Variants in WDR27 observed in about 807,000 individuals in gnomAD.
WDR27 encodes the protein WD repeat-containing protein 27.
In WDR27, 100 loss-of-function variants were observed where a neutral mutation model predicts 114.4. The ratio of observed to expected loss-of-function variants is 0.87; its 90% CI spans 0.74 to 1.03. The LOEUF (loss-of-function observed/expected upper bound fraction) is 1.03. Ranked by LOEUF, WDR27 falls within the 50% of genes least tolerant of loss-of-function variation. The pLI is 0.00. For synonymous variants in WDR27, 449 were observed against 423.1 expected (o/e 1.06, Z -0.75); for missense variants, 1,129 against 1,092.9 (o/e 1.03, Z -0.47).
chr6:169,629,780 A>G (rs1405080557), intron 21 of WDR27, among the ~76,000 whole-genome samples: 1 of 152,014 alleles, frequency 6.6e-6, no homozygotes, highest in Non-Finnish European at 1.5e-5. Flanking sequence ...CACAAAAATT[A>G]GCCAGGCGTG....
intron 25 of WDR27, among the ~76,000 whole-genome samples, chr6:169,468,524 T>C (rs77386522): frequency 0.031 from 4,662 of 152,244 alleles, 215 homozygotes; most frequent in African/African-American, 0.1. Flanking sequence ...ATCATGAGAA[T>C]AGCATGGAGG....
At chr6:169,677,006 T>C (rs1331589493) in intron 2 of WDR27, among the ~76,000 whole-genome samples, 1 of 152,126 alleles carries the variant, frequency 6.6e-6, no homozygotes, top group African/African-American at 2.4e-5. Context: ...TTCATTGACA[T>C]AGCAATTCAT....
At chr6:169,430,735 C>A in the WDR27 span, among the ~76,000 whole-genome samples, 4 of 152,194 alleles carry the variant, frequency 2.6e-5, no homozygotes, top group Admixed American at 1.3e-4. Context: ...TTATAAAGAA[C>A]CTTGTAAGCT....
intron 18 of WDR27, among the ~76,000 whole-genome samples, chr6:169,637,954 A>G (rs1818082549): frequency 6.6e-6 from 1 of 152,236 alleles, no homozygotes. Context: ...AAGTGTGCGT[A>G]TGTGTATGCA....
Position 169,633,013 on chromosome 6 carries a change from G to A in WDR27, c.2157C>T (p.Ala719=), listed in dbSNP as rs558902668. 452 of 1,598,312 alleles carry A rather than the reference G, an allele frequency of 2.8e-4. No individual in the cohort carries two copies. Among genetic ancestry groups the A allele is most frequent in the Non-Finnish European group, 3.6e-4 (425 of 1,167,390 alleles). ...CCGCTATCACCGCTGCACTGCAGCC[G>A]GCGTTGAGGTCAAACACTTCCACGG... ...NRTVEVFDLN[A]GCSAAVIAEA... The change falls in exon 21 of 26, where the codon GCC becomes GCT. Residue 719 remains alanine, a synonymous_variant. Transcript: ENST00000448612.
intron 25 of WDR27, among the ~76,000 whole-genome samples, chr6:169,488,407 C>T (rs147527958): frequency 1.2e-3 from 177 of 152,306 alleles, no homozygotes; most frequent in African/African-American, 3.5e-3. Flanking sequence ...AATGAGAAGA[C>T]TTTCAAATGT....
intron 1 of WDR27, among the ~76,000 whole-genome samples, chr6:169,690,999 A>G (rs1168803666): frequency 1.3e-5 from 2 of 152,182 alleles, no homozygotes; most frequent in Non-Finnish European, 2.9e-5. Flanking sequence ...GCGGATCACG[A>G]GGTCAGGAGA....
intron 25 of WDR27, among the ~76,000 whole-genome samples, chr6:169,471,205 A>G (rs1786338488): frequency 6.6e-6 from 1 of 151,890 alleles, no homozygotes; most frequent in Non-Finnish European, 1.5e-5. Flanking sequence ...TTTGCACCAA[A>G]CTAAGAAATC....
At chr6:169,626,798 G>A (rs1285513463) in intron 21 of WDR27, among the ~76,000 whole-genome samples, 1 of 152,182 alleles carries the variant, frequency 6.6e-6, no homozygotes, top group Non-Finnish European at 1.5e-5. Flanking sequence ...CCAGCCCTTC[G>A]AGAGGCCATG....
At position 169,660,631 on chromosome 6, in the gene WDR27, C is replaced by T. The variant is rs553551371; in HGVS notation, c.1129+32G>A. ...ACATACCAGTCAAAGGAAAACATTA[C>T]AGTTACATGGCGTTGAAATCAAAGA... On this transcript the variant is annotated intron_variant, in intron 10 of 25. Coordinates refer to ENST00000448612, the MANE Select transcript of WDR27 (RefSeq NM_182552.5). 5 of 1,564,604 alleles carry T rather than the reference C, an allele frequency of 3.2e-6. No homozygotes were observed. The Admixed American group carries it at 5.0e-5, about 16-fold the overall frequency.
rs770448285 is a variant in WDR27 at position 169,668,076 on chromosome 6, T to G, written c.566A>C (p.Glu189Ala). ...CACCGGGCCCAGGTGGCCCTGCAGCTCGGCCCGAACAGCCTGAGTCTGAGA... is the reference window on the plus strand; with the variant it reads ...CACCGGGCCCAGGTGGCCCTGCAGCGCGGCCCGAACAGCCTGAGTCTGAGA... ...TFSQTQAVRA[E>A]LQGHLGPVTA... The change falls in exon 5 of 26, where the codon GAG (glutamate) becomes GCG (alanine). Residue 189 changes from glutamate to alanine, a missense_variant. Coordinates refer to ENST00000448612, the MANE Select transcript of WDR27 (RefSeq NM_182552.5). The G allele has an allele frequency of 6.2e-7, 1 of 1,613,902 alleles. No individual in the cohort carries two copies. Among genetic ancestry groups the G allele is most frequent in the Non-Finnish European group, 8.5e-7 (1 of 1,179,786 alleles).
chr6:169,427,428 C>G, the WDR27 span, among the ~76,000 whole-genome samples: 2 of 127,746 alleles, frequency 1.6e-5, no homozygotes, highest in Admixed American at 1.5e-4. Flanking sequence ...GACTCAGCGC[C>G]TAGGACCGTG....
chr6:169,441,253 G>A, the WDR27 span, among the ~76,000 whole-genome samples: 1 of 151,882 alleles, frequency 6.6e-6, no homozygotes, highest in Non-Finnish European at 1.5e-5. Context: ...TACTTCCCCC[G>A]ATGGGGGACC....
intron 2 of WDR27, among the ~76,000 whole-genome samples, chr6:169,673,197 C>T (rs1779202446): frequency 6.6e-6 from 1 of 152,014 alleles, no homozygotes. Flanking sequence ...CGAACAATGT[C>T]TCAAGAACAA....
chr6:169,528,068 T>C (rs1795152609), intron 25 of WDR27, among the ~76,000 whole-genome samples: 1 of 152,092 alleles, frequency 6.6e-6, no homozygotes, highest in African/African-American at 2.4e-5. Context: ...ATACCATACA[T>C]GCAAATATAA....
intron 25 of WDR27, among the ~76,000 whole-genome samples, chr6:169,491,977 G>T (rs1036713889): frequency 2.0e-5 from 3 of 151,960 alleles, no homozygotes; most frequent in African/African-American, 7.3e-5. Context: ...AATTAAAATT[G>T]TAAAACACAT....
intron 21 of WDR27, among the ~76,000 whole-genome samples, chr6:169,617,971 T>C (rs1176037623): frequency 6.6e-6 from 1 of 152,204 alleles, no homozygotes; most frequent in Non-Finnish European, 1.5e-5. Flanking sequence ...TTCCCATACC[T>C]TCATTATCTG....
chr6:169,679,063 A>C (rs1185390311), intron 2 of WDR27, among the ~76,000 whole-genome samples: 1 of 150,046 alleles, frequency 6.7e-6, no homozygotes, highest in Non-Finnish European at 1.5e-5. Flanking sequence ...ATCTTTAGAT[A>C]AACTCAACCA....
chr6:169,435,158 GAAGTC>G, the WDR27 span, among the ~76,000 whole-genome samples: 4 of 152,222 alleles, frequency 2.6e-5, no homozygotes, highest in South Asian at 2.1e-4. Context: ...AGGGTGCACA[GAAGTC>G]AAGAATTGAG....
Sources: allele counts gnomAD v4.1 joint callset (sites outside exome capture counted in the v4.1 genomes callset), GRCh38; gene constraint gnomAD v4.1.1; transcripts MANE v1.5; gene names NCBI Gene and HGNC (gene_info 2026-07-23, HGNC 2026-07-21).